NELL1: variants seen among roughly 807,000 people sequenced by gnomAD.
NELL1 encodes protein kinase C-binding protein NELL1.
Under a neutral mutation model 107.4 loss-of-function variants are expected in NELL1, and 76 were observed. The observed-to-expected ratio is 0.71, with a 90% CI of 0.59 to 0.86. The LOEUF is 0.86. NELL1 is among the 40% of genes least tolerant of loss of function. The probability of loss-of-function intolerance (pLI) is 0.00; values close to 1 mark genes in which losing one functional copy is unlikely to be tolerated. For synonymous variants in NELL1, 353 were observed against 341.2 expected, an observed-to-expected ratio of 1.03 and a Z score of -0.38; for missense variants, 1,024 against 1,005.5, an observed-to-expected ratio of 1.02 and a Z score of -0.25.
At chr11:21,538,510 C>T (rs1365373038) in intron 16 of NELL1, among the ~76,000 whole-genome samples, 2 of 152,066 alleles carry the variant, frequency 1.3e-5, no homozygotes, top group African/African-American at 2.4e-5. Flanking sequence ...CTCTGTCTCT[C>T]TCTTTGTCTG....
At chr11:21,085,712 T>A (rs563371818) in intron 12 of NELL1, among the ~76,000 whole-genome samples, 2 of 152,166 alleles carry the variant, frequency 1.3e-5, no homozygotes, top group East Asian at 3.9e-4. Flanking sequence ...ATTTGAAACA[T>A]TCAAAGAACA....
intron 15 of NELL1, among the ~76,000 whole-genome samples, chr11:21,473,016 G>A (rs1186978625): frequency 1.3e-5 from 2 of 151,986 alleles, no homozygotes; most frequent in Non-Finnish European, 2.9e-5. Flanking sequence ...TAATATTAGG[G>A]GAGAGAAAAC....
intron 13 of NELL1, among the ~76,000 whole-genome samples, chr11:21,118,155 A>G (rs1435951480): frequency 1.3e-5 from 2 of 152,070 alleles, no homozygotes; most frequent in Non-Finnish European, 2.9e-5. Context: ...TAGAAATGCA[A>G]GCAAAATACA....
At chr11:21,468,820 T>A (rs1854099325) in intron 15 of NELL1, among the ~76,000 whole-genome samples, 1 of 152,018 alleles carries the variant, frequency 6.6e-6, no homozygotes, top group South Asian at 2.1e-4. Flanking sequence ...TTATTGCCTT[T>A]CATCTGAAAG....
chr11:20,794,560 G>T (rs986307855), intron 3 of NELL1, among the ~76,000 whole-genome samples: 3 of 152,120 alleles, frequency 2.0e-5, no homozygotes, highest in African/African-American at 7.2e-5. Context: ...AAAGGTTTTG[G>T]CATCTGGAGG....
chr11:21,241,594 A>G (rs1051592545), intron 14 of NELL1, among the ~76,000 whole-genome samples: 1 of 152,132 alleles, frequency 6.6e-6, no homozygotes, highest in African/African-American at 2.4e-5. Context: ...TTTACAAATA[A>G]TGTACAAGTG....
intron 12 of NELL1, among the ~76,000 whole-genome samples, chr11:21,106,433 C>G (rs533500168): frequency 1.3e-5 from 2 of 152,150 alleles, no homozygotes; most frequent in Non-Finnish European, 2.9e-5. Flanking sequence ...AGCACTGTTT[C>G]TTATCACACC....
chr11:21,186,217 TTCACTGAGA>T lies in NELL1; in HGVS notation c.1427-43114_1427-43106del, dbSNP rs1856932369. Among the ~76,000 whole-genome samples the T allele has an allele frequency of 2.0e-5, 3 of 151,840 alleles. No homozygotes were observed. In the East Asian group the frequency reaches 5.8e-4, roughly 29 times the overall value. On this transcript the variant is annotated intron_variant, in intron 13 of 19. Transcript: ENST00000357134. ...TGGACATGTTAAAAGAAGGGCCCCATTCACTGAGACCCTGTAGTAGGAGGGAGTTTCTGG... is the reference window on the plus strand; with the variant it reads ...TGGACATGTTAAAAGAAGGGCCCCATCCCTGTAGTAGGAGGGAGTTTCTGG...
chr11:20,673,296 T>C (rs557871016), intron 1 of NELL1, among the ~76,000 whole-genome samples: 2 of 152,160 alleles, frequency 1.3e-5, no homozygotes, highest in Non-Finnish European at 2.9e-5. Flanking sequence ...ATAGAGCATA[T>C]TCTTCAAGAA....
intron 15 of NELL1, among the ~76,000 whole-genome samples, chr11:21,374,784 G>A (rs1330040966): frequency 6.6e-6 from 1 of 151,790 alleles, no homozygotes; most frequent in African/African-American, 2.4e-5. Flanking sequence ...CCTACATCTT[G>A]TACTCTTGAT....
intron 15 of NELL1, among the ~76,000 whole-genome samples, chr11:21,412,446 T>C (rs1384272324): frequency 2.6e-5 from 4 of 152,116 alleles, no homozygotes; most frequent in African/African-American, 9.6e-5. Context: ...CTAGGATTTG[T>C]CATTTTATAG....
At chr11:21,441,296 G>A (rs1261427821) in intron 15 of NELL1, among the ~76,000 whole-genome samples, 1 of 150,140 alleles carries the variant, frequency 6.7e-6, no homozygotes, top group East Asian at 2.0e-4. Flanking sequence ...GGATAATTCT[G>A]AACAGCCATA....
intron 14 of NELL1, among the ~76,000 whole-genome samples, chr11:21,333,503 A>G (rs1323244280): frequency 6.6e-6 from 1 of 152,076 alleles, no homozygotes; most frequent in Non-Finnish European, 1.5e-5. Flanking sequence ...TTTGTAATAA[A>G]TTAAATAGCA....
intron 13 of NELL1, among the ~76,000 whole-genome samples, chr11:21,211,649 A>T (rs1053443157): frequency 6.6e-6 from 1 of 152,140 alleles, no homozygotes; most frequent in Non-Finnish European, 1.5e-5. Context: ...AGATGTTGAT[A>T]ACTTGGATAA....
chr11:21,003,206 T>C (rs912003495), intron 12 of NELL1, among the ~76,000 whole-genome samples: 1 of 152,142 alleles, frequency 6.6e-6, no homozygotes, highest in Admixed American at 6.6e-5. Context: ...AGTCTTTAGC[T>C]TTTCCTGCAA....
At chr11:21,319,325 A>C (rs1463518457) in intron 14 of NELL1, among the ~76,000 whole-genome samples, 1 of 151,446 alleles carries the variant, frequency 6.6e-6, no homozygotes, top group Non-Finnish European at 1.5e-5. Flanking sequence ...AGAGGTGTGC[A>C]CCACTATGCA....
intron 14 of NELL1, among the ~76,000 whole-genome samples, chr11:21,273,709 C>T (rs923584520): frequency 1.3e-5 from 2 of 152,200 alleles, no homozygotes; most frequent in African/African-American, 4.8e-5. Flanking sequence ...GATCTCTCGG[C>T]AGAAACTCTA....
intron 13 of NELL1, among the ~76,000 whole-genome samples, chr11:21,225,403 G>T (rs1035482354): frequency 2.0e-5 from 3 of 152,176 alleles, no homozygotes; most frequent in Non-Finnish European, 2.9e-5. Context: ...GAATATGGCT[G>T]CTGGCAATCT....
At chr11:21,116,221 C>T (rs1855232165) in intron 13 of NELL1, among the ~76,000 whole-genome samples, 1 of 151,970 alleles carries the variant, frequency 6.6e-6, no homozygotes, top group Non-Finnish European at 1.5e-5. Flanking sequence ...GTTTTCTTGG[C>T]TTTTGTGCCA....
Sources: gnomAD v4.1 joint callset for allele counts (sites outside exome capture counted in the v4.1 genomes callset) on GRCh38, gnomAD v4.1.1 for gene constraint, MANE v1.5 for transcripts, NCBI Gene and HGNC (gene_info 2026-07-23, HGNC 2026-07-21) for gene names.